KCNMA1: variants seen among roughly 807,000 people sequenced by gnomAD.
The protein encoded by KCNMA1 is potassium calcium-activated channel subfamily M alpha 1, also known as Calcium-activated potassium channel subunit alpha-1.
A neutral mutation model predicts 140.0 loss-of-function variants in KCNMA1; 29 were observed. That is an observed-to-expected ratio of 0.21 (90% CI 0.15 to 0.28). The LOEUF (loss-of-function observed/expected upper bound fraction) is 0.28, where lower values mean the gene tolerates loss of function less well. KCNMA1 is among the 10% of genes least tolerant of loss of function. The pLI is 1.00. For missense variants in KCNMA1, 880 were observed against 1,602.2 expected (o/e 0.55, Z 7.70); for synonymous variants, 612 against 611.9 (o/e 1.00, Z 0.00).
chr10:77,456,322 T>G (rs540383014), intron 1 of KCNMA1, among the ~76,000 whole-genome samples: 2 of 152,160 alleles, frequency 1.3e-5, no homozygotes, highest in Non-Finnish European at 2.9e-5. Context: ...CTCATCCTTC[T>G]CATGTCAGCT....
In KCNMA1 at chr10:77,335,058, A is replaced by ACCC. The variant is rs2088311974; in HGVS notation, c.540+68803_540+68804insGGG. 2.0e-5 allele frequency among the ~76,000 whole-genome samples: 3 copies of ACCC among 152,150 alleles called. No homozygotes were observed. In the South Asian group the frequency reaches 6.2e-4, roughly 32 times the overall value. The stretch of plus-strand genomic sequence containing the variant: ...CTAAAGGATTTTCAGAGTACAGAGG[A>ACCC]GGGGACACATCTCAGCAGGCACAGG... On this transcript the variant is annotated intron_variant, in intron 2 of 27. Transcript: ENST00000286628.
intron 2 of KCNMA1, among the ~76,000 whole-genome samples, chr10:77,339,233 T>A (rs963526444): frequency 6.6e-6 from 1 of 152,050 alleles, no homozygotes; most frequent in African/African-American, 2.4e-5. Flanking sequence ...TCTTATCACT[T>A]GTCTCTTATA....
intron 25 of KCNMA1, among the ~76,000 whole-genome samples, chr10:76,896,399 A>T (rs1029723311): frequency 6.6e-6 from 1 of 152,164 alleles, no homozygotes; most frequent in South Asian, 2.1e-4. Flanking sequence ...CCTGTTCTTA[A>T]GGTGCCCAGA....
In KCNMA1 at chr10:77,351,856, G is replaced by A. The variant is rs1386839282; in HGVS notation, c.540+52006C>T. Among the ~76,000 whole-genome samples, 4 of 152,196 alleles carry A rather than the reference G, an allele frequency of 2.6e-5. No homozygotes were observed. The East Asian group carries it at 5.8e-4, about 22-fold the overall frequency. On this transcript the variant is annotated intron_variant, in intron 2 of 27. Coordinates refer to ENST00000286628, the MANE Select transcript of KCNMA1 (RefSeq NM_001161352.2). ...TCCTGATAGCTTTAAAAGCAACCCT[G>A]TTCTTCTAATTGTTTCTAGTGCATG...
intron 1 of KCNMA1, among the ~76,000 whole-genome samples, chr10:77,422,461 A>G (rs1396855109): frequency 6.6e-6 from 1 of 152,210 alleles, no homozygotes; most frequent in Non-Finnish European, 1.5e-5. Flanking sequence ...CCTCCATCCA[A>G]GGATCTTATT....
intron 5 of KCNMA1, among the ~76,000 whole-genome samples, chr10:77,135,289 T>C (rs749416461): frequency 6.6e-6 from 1 of 152,102 alleles, no homozygotes; most frequent in Non-Finnish European, 1.5e-5. Flanking sequence ...AAAACTACAA[T>C]GAACTATCAC....
intron 1 of KCNMA1, among the ~76,000 whole-genome samples, chr10:77,596,181 G>T (rs1358790440): frequency 6.6e-6 from 1 of 152,168 alleles, no homozygotes; most frequent in Admixed American, 6.5e-5. Flanking sequence ...AAAAAGGGTG[G>T]CAAGATCTCG....
chr10:77,577,646 A>G (rs1295946368), intron 1 of KCNMA1, among the ~76,000 whole-genome samples: 2 of 152,194 alleles, frequency 1.3e-5, no homozygotes, highest in South Asian at 4.1e-4. Flanking sequence ...CCATCCTCAC[A>G]ACAGCCTTCT....
chr10:76,925,241 T>C (rs951091929), intron 23 of KCNMA1, among the ~76,000 whole-genome samples: 1 of 152,242 alleles, frequency 6.6e-6, no homozygotes, highest in East Asian at 1.9e-4. Flanking sequence ...GACTTCCCAA[T>C]TTCAATATGG....
intron 14 of KCNMA1, among the ~76,000 whole-genome samples, chr10:77,054,618 C>A (rs1161243565): frequency 6.6e-6 from 1 of 152,194 alleles, no homozygotes; most frequent in African/African-American, 2.4e-5. Context: ...ATACAGAGTA[C>A]AGCCATCAAG....
At chr10:77,367,541 T>C (rs2094441173) in intron 2 of KCNMA1, among the ~76,000 whole-genome samples, 1 of 152,194 alleles carries the variant, frequency 6.6e-6, no homozygotes. Flanking sequence ...ATCTGCACTT[T>C]TCAAAAGTTT....
At chr10:77,111,438 T>C (rs147504645) in intron 7 of KCNMA1, among the ~76,000 whole-genome samples, 270 of 152,356 alleles carry the variant, frequency 1.8e-3, no homozygotes, top group African/African-American at 6.2e-3. Flanking sequence ...CATCATCTTA[T>C]TAAAGACAAC....
chr10:76,889,700 G>A (rs2039043086), intron 26 of KCNMA1, 131 bp from the exon 27 acceptor site: 2 of 776,346 alleles, frequency 2.6e-6, no homozygotes, highest in Non-Finnish European at 4.6e-6. Flanking sequence ...CATGTGCCAA[G>A]GGACGGCAGT....
intron 2 of KCNMA1, among the ~76,000 whole-genome samples, chr10:77,347,275 C>T (rs2092312131): frequency 6.6e-6 from 1 of 152,208 alleles, no homozygotes; most frequent in Non-Finnish European, 1.5e-5. Flanking sequence ...TTAAGCATCA[C>T]TGCATGCATA....
At chr10:77,394,055 T>G (rs1246256863) in intron 2 of KCNMA1, among the ~76,000 whole-genome samples, 1 of 152,186 alleles carries the variant, frequency 6.6e-6, no homozygotes, top group African/African-American at 2.4e-5. Flanking sequence ...CATAGATGGA[T>G]GGGCAGACAG....
chr10:77,327,101 A>G (rs10509385), intron 2 of KCNMA1, among the ~76,000 whole-genome samples: 35,011 of 151,772 alleles, frequency 0.23, 5,166 homozygotes, highest in Non-Finnish European at 0.34. Context: ...CAGCACTACA[A>G]TTGGCATTCC....
In KCNMA1 at chr10:77,157,959, G is replaced by A. The variant is rs575672098; in HGVS notation, c.808+25462C>T. Among the ~76,000 whole-genome samples the A allele has an allele frequency of 5.3e-5, 8 of 152,258 alleles. No individual in the cohort carries two copies. The South Asian group carries it at 1.2e-3, about 24-fold the overall frequency. ...TCCCACAGCTTCTGGTGCCCCCATG[G>A]GTTGGGGGCAGGGAGGGAAGTAGCA... On this transcript the variant is annotated intron_variant, in intron 5 of 27. Coordinates refer to ENST00000286628, the MANE Select transcript of KCNMA1 (RefSeq NM_001161352.2).
At chr10:77,424,221 T>C (rs2096927486) in intron 1 of KCNMA1, among the ~76,000 whole-genome samples, 1 of 152,262 alleles carries the variant, frequency 6.6e-6, no homozygotes, top group African/African-American at 2.4e-5. Context: ...TTGCAGCAGA[T>C]TTGTGAGGAT....
intron 2 of KCNMA1, among the ~76,000 whole-genome samples, chr10:77,395,128 C>T (rs948141001): frequency 1.3e-5 from 2 of 152,068 alleles, no homozygotes; most frequent in African/African-American, 2.4e-5. Flanking sequence ...GAGAGGATTG[C>T]CTGGGCCCAG....
Sources: allele counts gnomAD v4.1 joint callset (sites outside exome capture counted in the v4.1 genomes callset), GRCh38; gene constraint gnomAD v4.1.1; transcripts MANE v1.5; gene names NCBI Gene and HGNC (gene_info 2026-07-23, HGNC 2026-07-21).